KIAA1328: variants seen among roughly 807,000 people sequenced by gnomAD.
The protein encoded by KIAA1328 is protein hinderin.
A neutral mutation model predicts 68.1 loss-of-function variants in KIAA1328; 52 were observed. That is an observed-to-expected ratio of 0.76 (90% CI 0.61 to 0.96). The LOEUF is 0.96. Ranked by LOEUF, KIAA1328 falls within the 40% of genes least tolerant of loss-of-function variation. The probability of loss-of-function intolerance (pLI) is 0.00; values close to 1 mark genes in which losing one functional copy is unlikely to be tolerated. For synonymous variants in KIAA1328, 232 were observed against 239.4 expected (o/e 0.97, Z 0.28); for missense variants, 641 against 677.6 (o/e 0.95, Z 0.60).
At chr18:37,214,553 C>G (rs2060386795) in intron 9 of KIAA1328, among the ~76,000 whole-genome samples, 1 of 152,136 alleles carries the variant, frequency 6.6e-6, no homozygotes, top group Non-Finnish European at 1.5e-5. Flanking sequence ...GTTATTGTAG[C>G]CTTGTAGTAT....
chr18:37,110,773 G>C (rs759486010), intron 7 of KIAA1328, among the ~76,000 whole-genome samples: 1 of 152,166 alleles, frequency 6.6e-6, no homozygotes, highest in Non-Finnish European at 1.5e-5. Flanking sequence ...AAGTGTCTGA[G>C]AACATGGTTG....
chr18:37,070,255 A>G (rs1201465406), intron 7 of KIAA1328, among the ~76,000 whole-genome samples: 1 of 152,138 alleles, frequency 6.6e-6, no homozygotes, highest in Non-Finnish European at 1.5e-5. Context: ...CTATCTTGAT[A>G]TATGTTCCAT....
chr18:36,876,119 G>C (rs192347777), intron 4 of KIAA1328, among the ~76,000 whole-genome samples: 3 of 152,208 alleles, frequency 2.0e-5, no homozygotes, highest in African/African-American at 4.8e-5. Context: ...ATATTGGCGT[G>C]AAATTTTCTT....
chr18:37,015,944 G>T (rs1269854194), intron 6 of KIAA1328, among the ~76,000 whole-genome samples: 1 of 152,112 alleles, frequency 6.6e-6, no homozygotes, highest in Non-Finnish European at 1.5e-5. Context: ...TATGGTCCAT[G>T]AGGAGAGAGA....
chr18:36,961,275 A>G (rs1346118374), intron 6 of KIAA1328, among the ~76,000 whole-genome samples: 1 of 152,160 alleles, frequency 6.6e-6, no homozygotes, highest in Non-Finnish European at 1.5e-5. Context: ...AAAAAAAAGT[A>G]AAAACAAACG....
chr18:36,953,991 G>GTTTTTTTTTT (rs2051285364), intron 5 of KIAA1328, among the ~76,000 whole-genome samples: 18 of 73,828 alleles, frequency 2.4e-4, no homozygotes, highest in Admixed American at 7.6e-4. Context: ...TTGTCTGATT[G>GTTTTTTTTTT]TTTCTTTTTT....
intron 9 of KIAA1328, among the ~76,000 whole-genome samples, chr18:37,180,354 A>G (rs2059676382): frequency 6.6e-6 from 1 of 152,272 alleles, no homozygotes; most frequent in Non-Finnish European, 1.5e-5. Context: ...GAAGACATGA[A>G]TCGAGCTTTT....
intron 6 of KIAA1328, among the ~76,000 whole-genome samples, chr18:36,968,823 A>G (rs377428658): frequency 6.6e-6 from 1 of 152,196 alleles, no homozygotes; most frequent in Admixed American, 6.5e-5. Context: ...AAAACAACAC[A>G]ATATATATTC....
intron 4 of KIAA1328, among the ~76,000 whole-genome samples, chr18:36,874,353 C>T (rs1363440552): frequency 8.6e-5 from 13 of 151,874 alleles, no homozygotes. Flanking sequence ...GCATCTGTTT[C>T]CTGACTTTTT....
chr18:36,934,206 TC>T (rs2050417002), intron 5 of KIAA1328, among the ~76,000 whole-genome samples: 1 of 152,132 alleles, frequency 6.6e-6, no homozygotes, highest in Non-Finnish European at 1.5e-5. Context: ...GCTTCCTCCC[TC>T]CTCACTCTTG....
intron 8 of KIAA1328, 22 bp from the exon 9 acceptor site, chr18:37,172,951 A>G (rs754968007): frequency 3.2e-6 from 5 of 1,557,036 alleles, no homozygotes; most frequent in Middle Eastern, 1.7e-4. Flanking sequence ...TGCCCAAATT[A>G]TTTTCTTTAT....
chr18:37,162,663 C>T (rs323312), intron 8 of KIAA1328, among the ~76,000 whole-genome samples: 39,614 of 152,070 alleles, frequency 0.26, 7,962 homozygotes, highest in African/African-American at 0.57. Flanking sequence ...CTGCTTGGTT[C>T]ATCACCTTCT....
chr18:36,892,827 T>C (rs1355752807), intron 5 of KIAA1328, among the ~76,000 whole-genome samples: 2 of 152,348 alleles, frequency 1.3e-5, no homozygotes, highest in East Asian at 3.9e-4. Flanking sequence ...TATTTTATTG[T>C]TGTCTAAACT....
chr18:36,985,330 G>A (rs550155777), intron 6 of KIAA1328, among the ~76,000 whole-genome samples: 50 of 152,154 alleles, frequency 3.3e-4, no homozygotes, highest in Middle Eastern at 3.4e-3. Flanking sequence ...AATTCCAGTC[G>A]CATTCTCAGC....
chr18:37,150,070 T>C (rs1313635040), intron 7 of KIAA1328, among the ~76,000 whole-genome samples: 2 of 152,076 alleles, frequency 1.3e-5, no homozygotes, highest in Non-Finnish European at 2.9e-5. Context: ...AAGTAGAAAA[T>C]TTGAATAACC....
chr18:37,024,002 C>CT (rs1361083973), intron 6 of KIAA1328, among the ~76,000 whole-genome samples: 1 of 152,150 alleles, frequency 6.6e-6, no homozygotes, highest in East Asian at 1.9e-4. Flanking sequence ...TTATTCCCTT[C>CT]TTTTTTGTGT....
At chr18:36,881,877 T>C (rs1471450798) in intron 4 of KIAA1328, among the ~76,000 whole-genome samples, 1 of 152,234 alleles carries the variant, frequency 6.6e-6, no homozygotes, top group Non-Finnish European at 1.5e-5. Context: ...CAGGTTGTTG[T>C]ACTTTTATTG....
At chr18:36,974,517 T>G (rs2052382917) in intron 6 of KIAA1328, among the ~76,000 whole-genome samples, 1 of 152,224 alleles carries the variant, frequency 6.6e-6, no homozygotes, top group Non-Finnish European at 1.5e-5. Context: ...CCATTGTGTA[T>G]ATACCACATT....
chr18:36,911,938 A>G (rs1273579958), intron 5 of KIAA1328, among the ~76,000 whole-genome samples: 1 of 152,144 alleles, frequency 6.6e-6, no homozygotes, highest in Non-Finnish European at 1.5e-5. Flanking sequence ...TTTTACTGGG[A>G]ATAGGAAAAT....
Sources: gnomAD v4.1 joint callset for allele counts (sites outside exome capture counted in the v4.1 genomes callset) on GRCh38, gnomAD v4.1.1 for gene constraint, MANE v1.5 for transcripts, NCBI Gene and HGNC (gene_info 2026-07-23, HGNC 2026-07-21) for gene names.